The following KDSR variants were observed in gnomAD, a reference collection of about 807,000 sequenced individuals.
KDSR encodes 3-ketodihydrosphingosine reductase.
Under a neutral mutation model 41.3 loss-of-function variants are expected in KDSR, and 23 were observed. The ratio of observed to expected loss-of-function variants is 0.56; its 90% confidence interval spans 0.40 to 0.79. The LOEUF (loss-of-function observed/expected upper bound fraction) is 0.79, where lower values mean the gene tolerates loss of function less well. KDSR is among the 30% of genes least tolerant of loss of function. The pLI is 0.00. For missense variants in KDSR, 351 were observed against 416.8 expected, an observed-to-expected ratio of 0.84 and a Z score of 1.37; for synonymous variants, 138 against 151.7, an observed-to-expected ratio of 0.91 and a Z score of 0.66.
intron 5 of KDSR, 67 bp from the exon 6 acceptor site, chr18:63,351,146 T>C (rs1914653610): frequency 2.2e-6 from 3 of 1,346,090 alleles, no homozygotes; most frequent in Non-Finnish European, 3.0e-6. Context: ...GAATTTAGTC[T>C]GCTTTCTGGA....
chr18:63,336,242 C>G (rs1230542956), intron 8 of KDSR, among the ~76,000 whole-genome samples: 1 of 152,168 alleles, frequency 6.6e-6, no homozygotes, highest in Non-Finnish European at 1.5e-5. Flanking sequence ...GTTGGCCAGG[C>G]TGGTCTCAAA....
chr18:63,359,365 GCTA>G (rs1417385358), intron 3 of KDSR, among the ~76,000 whole-genome samples: 1 of 151,664 alleles, frequency 6.6e-6, no homozygotes, highest in Admixed American at 6.6e-5. Flanking sequence ...TTATTAATTT[GCTA>G]TTATGTTTTA....
At chr18:63,363,296 G>C (rs1488023439) in intron 1 of KDSR, among the ~76,000 whole-genome samples, 128 of 123,432 alleles carry the variant, frequency 1.0e-3, no homozygotes, top group Admixed American at 4.5e-3. Context: ...ATGTATACAT[G>C]TGCCATGCTG....
intron 5 of KDSR, among the ~76,000 whole-genome samples, 173 bp downstream of exon 5, chr18:63,355,031 C>T (rs762644229): frequency 3.9e-5 from 6 of 152,222 alleles, no homozygotes; most frequent in Non-Finnish European, 8.8e-5. Flanking sequence ...ATGGTCCTGA[C>T]ACTGGGATGA....
intron 7 of KDSR, among the ~76,000 whole-genome samples, chr18:63,340,664 A>G (rs780630225): frequency 1.3e-5 from 2 of 152,208 alleles, no homozygotes; most frequent in Non-Finnish European, 2.9e-5. Context: ...CATTTTATAT[A>G]AAAGATATGT....
chr18:63,338,497 T>C (rs1411416483), intron 8 of KDSR, among the ~76,000 whole-genome samples: 1 of 152,204 alleles, frequency 6.6e-6, no homozygotes, highest in Non-Finnish European at 1.5e-5. Context: ...ACATAGTATA[T>C]ATCGTTTACA....
chr18:63,344,465 A>G lies in KDSR; in HGVS notation c.638T>C (p.Val213Ala). 1 of 1,614,040 alleles carries G rather than the reference A, an allele frequency of 6.2e-7. No individual in the cohort carries two copies. The highest frequency in any genetic ancestry group is 8.5e-7 in the Non-Finnish European group (1 of 1,179,880). ...EVKPYNVYIT[V>A]AYPPDTDTPG... ...TGTGTCTGTGTCTGGTGGGTAAGCAACTGTGATGTAGACATTATATGGCTT... is the reference window on the plus strand; with the variant it reads ...TGTGTCTGTGTCTGGTGGGTAAGCAGCTGTGATGTAGACATTATATGGCTT... The change falls in exon 7 of 10, where the codon GTT becomes GCT. Residue 213 changes from valine to alanine, a missense_variant. By Grantham distance (64) the Val-to-Ala change is moderately conservative (BLOSUM62 0). Coordinates refer to ENST00000645214, the MANE Select transcript of KDSR (RefSeq NM_002035.4).
rs1213025212 is a variant in KDSR at position 63,330,519 on chromosome 18, A to C, written c.*1263T>G. ...GCCAAGAGGGTTTCCAGGGCTACAG[A>C]GTTAGATGAGTGGGCTTCCTTAGCA... On this transcript the variant is annotated 3_prime_UTR_variant, in exon 10 of 10. Coordinates refer to ENST00000645214, the MANE Select transcript of KDSR (RefSeq NM_002035.4). 2 of 231,846 alleles carry C rather than the reference A, an allele frequency of 8.6e-6. No homozygotes were observed. The highest frequency in any genetic ancestry group is 1.7e-5 in the Non-Finnish European group (2 of 117,246). 14.4% of individuals were successfully genotyped at this position (231,846 alleles called of 1,614,324 possible). A position where few individuals can be genotyped will look rare whatever the true frequency, so the allele number is the denominator to read the frequency against.
intron 5 of KDSR, among the ~76,000 whole-genome samples, chr18:63,352,817 G>A (rs1486728564): frequency 2.0e-5 from 3 of 152,002 alleles, no homozygotes; most frequent in African/African-American, 7.2e-5. Flanking sequence ...AGGATGCTGG[G>A]ATTCTCTTTT....
At chr18:63,338,512 T>A (rs540494427) in intron 8 of KDSR, among the ~76,000 whole-genome samples, 3 of 152,174 alleles carry the variant, frequency 2.0e-5, no homozygotes, top group Non-Finnish European at 4.4e-5. Context: ...TTTACACTCA[T>A]AGGAAAGTCT....
At position 63,367,189 on chromosome 18, in the gene KDSR, C is replaced by G; in HGVS notation, c.-71G>C. The G allele has an allele frequency of 1.3e-6, 1 of 758,642 alleles. No homozygotes were observed. 47.0% of individuals were successfully genotyped at this position (758,642 alleles called of 1,614,324 possible). The stretch of plus-strand genomic sequence containing the variant: ...GGGCAAGGCGCGCAGGGCTGGGCTG[C>G]GGCGAGGCGAGAATCACGCGCGGCG... On this transcript the variant is annotated 5_prime_UTR_variant, in exon 1 of 10. Coordinates refer to ENST00000645214, the MANE Select transcript of KDSR (RefSeq NM_002035.4).
chr18:63,345,561 G>C (rs929503867), intron 6 of KDSR: 2 of 152,240 alleles, frequency 1.3e-5, no homozygotes, highest in Non-Finnish European at 2.9e-5. Flanking sequence ...TGGAGAGGCA[G>C]CTGATAGATC....
At chr18:63,337,761 T>A (rs955845084) in intron 8 of KDSR, among the ~76,000 whole-genome samples, 11 of 152,118 alleles carry the variant, frequency 7.2e-5, no homozygotes, top group African/African-American at 2.7e-4. Flanking sequence ...GCCCCATTTC[T>A]ACTACAAATA....
At chr18:63,360,846 T>C (rs112429901) in intron 2 of KDSR, among the ~76,000 whole-genome samples, 75 of 145,566 alleles carry the variant, frequency 5.2e-4, no homozygotes, top group African/African-American at 1.9e-3. Context: ...ATTGTGTCAC[T>C]GCACTCCAGC....
At position 63,331,630 on chromosome 18, in the gene KDSR, C is replaced by A; in HGVS notation, c.*152G>T. 1.6e-6 allele frequency: 1 copy of A among 644,936 alleles called. No homozygotes were observed. Among genetic ancestry groups the A allele is most frequent in the South Asian group, 2.2e-5 (1 of 46,362 alleles). The allele number at this position is 644,936 out of a possible 1,614,324, so 40.0% of individuals were successfully genotyped here. A position where few individuals can be genotyped will look rare whatever the true frequency, so the allele number is the denominator to read the frequency against. The stretch of plus-strand genomic sequence containing the variant: ...ACTGTCAGGAGGTGAACTTCTAGCC[C>A]CTTGCTTGCAGCCACATTCCTGAAG... On this transcript the variant is annotated 3_prime_UTR_variant, in exon 10 of 10. Transcript: ENST00000645214.
intron 1 of KDSR, chr18:63,366,514 C>T (rs1178822284): frequency 6.5e-6 from 1 of 154,396 alleles, no homozygotes; most frequent in East Asian, 1.9e-4. Context: ...AGGCCATCTT[C>T]CAGTTCCGAG....
intron 8 of KDSR, among the ~76,000 whole-genome samples, chr18:63,337,919 A>T (rs935727371): frequency 2.0e-5 from 3 of 152,040 alleles, no homozygotes; most frequent in Non-Finnish European, 4.4e-5. Flanking sequence ...CAAGAGCAAA[A>T]CTCCGTCTCA....
intron 3 of KDSR, among the ~76,000 whole-genome samples, chr18:63,356,601 C>A (rs1485740018): frequency 6.6e-6 from 1 of 152,182 alleles, no homozygotes; most frequent in Admixed American, 6.5e-5. Context: ...TTCTCGCCTG[C>A]CCCAGCCCTA....
At chr18:63,361,679 G>T (rs1211603103) in intron 2 of KDSR, among the ~76,000 whole-genome samples, 2 of 152,046 alleles carry the variant, frequency 1.3e-5, no homozygotes. Flanking sequence ...GCCAGGCGTG[G>T]TGGTGGGCGC....
Sources: gnomAD v4.1 joint callset for allele counts (sites outside exome capture counted in the v4.1 genomes callset) on GRCh38, gnomAD v4.1.1 for gene constraint, MANE v1.5 for transcripts, NCBI Gene and HGNC (gene_info 2026-07-23, HGNC 2026-07-21) for gene names.